The following MEGF11 variants were observed in gnomAD, a reference collection of about 807,000 sequenced individuals.
MEGF11 encodes multiple epidermal growth factor-like domains protein 11.
MEGF11 carries 126 observed loss-of-function variants against 146.6 expected under a neutral mutation model. The observed-to-expected ratio is 0.86, with a 90% confidence interval of 0.74 to 1.00. MEGF11 has a LOEUF of 1.00. Ranked by LOEUF, MEGF11 falls within the 50% of genes least tolerant of loss-of-function variation. The probability of loss-of-function intolerance (pLI) is 0.00; values close to 1 mark genes in which losing one functional copy is unlikely to be tolerated. For synonymous variants in MEGF11, 532 were observed against 583.4 expected, an observed-to-expected ratio of 0.91 and a Z score of 1.27; for missense variants, 1,509 against 1,521.2, an observed-to-expected ratio of 0.99 and a Z score of 0.13.
chr15:65,953,839 C>T (rs2080485642), intron 10 of MEGF11, among the ~76,000 whole-genome samples: 1 of 152,068 alleles, frequency 6.6e-6, no homozygotes, highest in South Asian at 2.1e-4. Context: ...GGCAGGCATG[C>T]CACTGAGCTC....
rs2079201859 is a variant in MEGF11, at chr15:65,922,379, C to T, written c.1916G>A (p.Cys639Tyr). The T allele has an allele frequency of 6.2e-7, 1 of 1,603,642 alleles. No homozygotes were observed. The highest frequency in any genetic ancestry group is 8.5e-7 in the Non-Finnish European group (1 of 1,175,328). ...TCCAGAGAATCCTGGGAGGCACTCACAGATGCCGCTGATGTGGTGGCAGGG... is the reference window on the plus strand; with the variant it reads ...TCCAGAGAATCCTGGGAGGCACTCATAGATGCCGCTGATGTGGTGGCAGGG... The part of the protein sequence containing the change: ...SRPCHHISGI[C>Y]ECLPGFSGAL... The change falls in exon 15 of 26, where the codon TGT becomes TAT. Residue 639 changes from cysteine (C) to tyrosine (Y), a missense_variant. Coordinates refer to ENST00000395614, the MANE Select transcript of MEGF11 (RefSeq NM_001385028.1).
intron 5 of MEGF11, among the ~76,000 whole-genome samples, chr15:66,065,103 G>A (rs1234428008): frequency 6.6e-6 from 1 of 152,110 alleles, no homozygotes; most frequent in African/African-American, 2.4e-5. Flanking sequence ...AGGCAAGAGG[G>A]GAAGCAAATG....
intron 1 of MEGF11, among the ~76,000 whole-genome samples, chr15:66,223,500 AT>A (rs1226746098): frequency 3.9e-5 from 6 of 152,234 alleles, no homozygotes; most frequent in African/African-American, 7.2e-5. Context: ...AGATGGGTGG[AT>A]CACTTGAGGC....
At chr15:65,988,245 C>G (rs549967496) in intron 5 of MEGF11, among the ~76,000 whole-genome samples, 1 of 151,140 alleles carries the variant, frequency 6.6e-6, no homozygotes, top group Non-Finnish European at 1.5e-5. Context: ...CTGGGCTCAT[C>G]GATCTACCTG....
At chr15:66,252,615 G>T (rs1186532189) in intron 1 of MEGF11, among the ~76,000 whole-genome samples, 3 of 152,218 alleles carry the variant, frequency 2.0e-5, no homozygotes, top group Admixed American at 2.0e-4. Flanking sequence ...CCACGCCGAG[G>T]CTCGGCGCTC....
intron 9 of MEGF11, among the ~76,000 whole-genome samples, chr15:65,958,761 C>T (rs1171856643): frequency 6.6e-6 from 1 of 152,218 alleles, no homozygotes; most frequent in African/African-American, 2.4e-5. Context: ...TCAGCTTCCT[C>T]CCCACTTTCC....
At chr15:65,971,067 G>T in intron 7 of MEGF11, 1 of 200,788 alleles carries the variant, frequency 5.0e-6, no homozygotes. Flanking sequence ...TAAGGAAGGA[G>T]GCTGAGTAAA....
chr15:66,134,719 G>A (rs1344378010), intron 1 of MEGF11, among the ~76,000 whole-genome samples: 2 of 152,262 alleles, frequency 1.3e-5, no homozygotes, highest in Non-Finnish European at 2.9e-5. Context: ...GCGGGGAGAA[G>A]GGCGCTGAGG....
intron 5 of MEGF11, among the ~76,000 whole-genome samples, chr15:66,092,347 C>T (rs2086354287): frequency 6.6e-6 from 1 of 152,138 alleles, no homozygotes; most frequent in East Asian, 1.9e-4. Flanking sequence ...GGGTTGGAAC[C>T]CCTTTTAGAA....
rs117055685 is a variant in MEGF11 at position 66,212,929 on chromosome 15, G to A, written c.-9+40676C>T. On this transcript the variant is annotated intron_variant, in intron 1 of 25. Coordinates refer to ENST00000395614, the MANE Select transcript of MEGF11 (RefSeq NM_001385028.1). Reference sequence around the variant, plus strand: ...GGTTCCAGACAGTGGAGGCAGGGAGGACCAAGCTATGTGAATGGGGTGAGC... The same window carrying A: ...GGTTCCAGACAGTGGAGGCAGGGAGAACCAAGCTATGTGAATGGGGTGAGC... Among the ~76,000 whole-genome samples the A allele has an allele frequency of 7.7e-3, 1,179 of 152,380 alleles. 8 individuals are homozygous for A. Among genetic ancestry groups the A allele is most frequent in the Non-Finnish European group, 8.9e-3 (605 of 68,034 alleles).
intron 4 of MEGF11, 21 bp from the exon 5 acceptor site, chr15:66,094,515 G>A (rs7168565): frequency 0.57 from 877,535 of 1,546,728 alleles, 254,373 homozygotes; most frequent in Non-Finnish European, 0.6. Flanking sequence ...ATGGGGAGAG[G>A]GAGGAAGAAC....
At position 65,915,480 on chromosome 15, in the gene MEGF11, C is replaced by T. The variant is rs1242627288; in HGVS notation, c.2463G>A (p.Arg821=). ...CYCSPGFKGI[R]CDQAALMMEE... Reference sequence around the variant, plus strand: ...CCACGTGTGTATTACCTTGGTCACACCTGATTCCTTTGAAGCCAGGGCTGC... The same window carrying T: ...CCACGTGTGTATTACCTTGGTCACATCTGATTCCTTTGAAGCCAGGGCTGC... Residue 821 remains arginine (R), a synonymous_variant, in exon 19 of 26, where the codon AGG becomes AGA. Transcript: ENST00000395614. 6 of 1,613,808 alleles carry T rather than the reference C, an allele frequency of 3.7e-6. No individual in the cohort carries two copies. The highest frequency in any genetic ancestry group is 3.3e-5 in the Admixed American group (2 of 60,004).
At chr15:66,094,179 A>G (rs1378504242) in intron 5 of MEGF11, among the ~76,000 whole-genome samples, 1 of 152,152 alleles carries the variant, frequency 6.6e-6, no homozygotes, top group African/African-American at 2.4e-5. Context: ...TTCCCTACAC[A>G]TACAACACAC....
At chr15:66,082,612 G>A (rs1343806053) in intron 5 of MEGF11, among the ~76,000 whole-genome samples, 2 of 133,360 alleles carry the variant, frequency 1.5e-5, no homozygotes, top group Non-Finnish European at 3.1e-5. Context: ...AGAGGTTGCA[G>A]TGAGCCAAGA....
chr15:66,230,771 A>G (rs2091952134), intron 1 of MEGF11, among the ~76,000 whole-genome samples: 2 of 152,292 alleles, frequency 1.3e-5, no homozygotes, highest in South Asian at 4.2e-4. Context: ...GGTCTCCAAA[A>G]TTTTTCATTG....
intron 16 of MEGF11, 120 bp from the exon 17 acceptor site, chr15:65,917,076 C>T (rs1342815714): frequency 6.0e-6 from 7 of 1,161,660 alleles, no homozygotes; most frequent in Non-Finnish European, 8.2e-6. Context: ...CTGACATTTC[C>T]TGGCTTTCAG....
chr15:66,006,337 C>G (rs945412269), intron 5 of MEGF11, among the ~76,000 whole-genome samples: 1 of 152,234 alleles, frequency 6.6e-6, no homozygotes, highest in Non-Finnish European at 1.5e-5. Flanking sequence ...TCCCTGAGTT[C>G]CCTGAGCCTG....
intron 9 of MEGF11, among the ~76,000 whole-genome samples, chr15:65,960,752 G>A (rs777069892): frequency 1.3e-5 from 2 of 152,154 alleles, no homozygotes; most frequent in Non-Finnish European, 2.9e-5. Context: ...TCCATTACAC[G>A]CTCTTATTTT....
At chr15:66,217,492 G>A (rs1450427364) in intron 1 of MEGF11, among the ~76,000 whole-genome samples, 3 of 152,230 alleles carry the variant, frequency 2.0e-5, no homozygotes, top group Non-Finnish European at 4.4e-5. Context: ...GTTGTTTGAT[G>A]TTAAAAAGAC....
Sources: gnomAD v4.1 joint callset for allele counts (sites outside exome capture counted in the v4.1 genomes callset) on GRCh38, gnomAD v4.1.1 for gene constraint, MANE v1.5 for transcripts, NCBI Gene and HGNC (gene_info 2026-07-23, HGNC 2026-07-21) for gene names.